The following RCBTB2 variants were observed in gnomAD, a reference collection of about 807,000 sequenced individuals.
The protein encoded by RCBTB2 is RCC1 and BTB domain-containing protein 2.
In RCBTB2, 55 loss-of-function variants were observed where a neutral mutation model predicts 65.4. The observed-to-expected ratio is 0.84, with a 90% CI of 0.68 to 1.05. RCBTB2 has a LOEUF of 1.05. Ranked by LOEUF, RCBTB2 falls within the 50% of genes least tolerant of loss-of-function variation. The pLI is 0.00. For synonymous variants in RCBTB2, 220 were observed against 255.2 expected, an observed-to-expected ratio of 0.86 and a Z score of 1.31; for missense variants, 599 against 680.1, an observed-to-expected ratio of 0.88 and a Z score of 1.33.
intron 7 of RCBTB2, 35 bp from the exon 8 acceptor site, chr13:48,512,209 TA>T (rs2138540735): frequency 6.3e-7 from 1 of 1,583,286 alleles, no homozygotes; most frequent in African/African-American, 1.3e-5. Flanking sequence ...TGAAACAGAT[TA>T]ATTTATAAAC....
At chr13:48,496,143 G>T in intron 14 of RCBTB2, 48 bp downstream of exon 14, 1 of 1,409,788 alleles carries the variant, frequency 7.1e-7, no homozygotes, top group Non-Finnish European at 9.3e-7. Context: ...CAGACACCTG[G>T]GTTCCATTTC....
chr13:48,521,135 G>C (rs553297134), intron 4 of RCBTB2, among the ~76,000 whole-genome samples: 1 of 152,030 alleles, frequency 6.6e-6, no homozygotes, highest in Non-Finnish European at 1.5e-5. Context: ...TAGGACTCTC[G>C]AGTTCTATAC....
chr13:48,493,263 TTC>T (rs1208233211), intron 14 of RCBTB2, among the ~76,000 whole-genome samples: 3,399 of 92,098 alleles, frequency 0.037, 116 homozygotes, highest in African/African-American at 0.17. Context: ...ACACACACTC[TTC>T]TCTCTCTCAC....
intron 4 of RCBTB2, among the ~76,000 whole-genome samples, chr13:48,517,348 G>A (rs999259268): frequency 3.9e-5 from 6 of 152,138 alleles, no homozygotes; most frequent in African/African-American, 1.4e-4. Context: ...CAGATTCACA[G>A]CCCTCCTTTC....
At chr13:48,531,859 T>G (rs1952145577) in intron 1 of RCBTB2, among the ~76,000 whole-genome samples, 1 of 152,188 alleles carries the variant, frequency 6.6e-6, no homozygotes, top group South Asian at 2.1e-4. Flanking sequence ...CTCTTCACAG[T>G]AGCCCCAGGA....
chr13:48,521,285 C>T (rs965590433), intron 4 of RCBTB2, among the ~76,000 whole-genome samples: 1 of 152,160 alleles, frequency 6.6e-6, no homozygotes, highest in Non-Finnish European at 1.5e-5. Flanking sequence ...TAATTATTTA[C>T]AGTTTTATTG....
At chr13:48,524,352 A>G (rs1250285240) in intron 2 of RCBTB2, among the ~76,000 whole-genome samples, 2 of 152,228 alleles carry the variant, frequency 1.3e-5, no homozygotes, top group Non-Finnish European at 2.9e-5. Context: ...CAGCAATAAC[A>G]ACAGTAAAAA....
intron 1 of RCBTB2, among the ~76,000 whole-genome samples, chr13:48,530,788 T>C (rs942331907): frequency 6.6e-6 from 1 of 152,268 alleles, no homozygotes; most frequent in African/African-American, 2.4e-5. Flanking sequence ...AGTTAAACTG[T>C]AAACTCCTGA....
chr13:48,512,821 G>T lies in RCBTB2; in HGVS notation c.424C>A (p.Pro142Thr). 1.9e-6 allele frequency: 3 copies of T among 1,613,498 alleles called. No homozygotes were observed. The highest frequency in any genetic ancestry group is 2.5e-6 in the Non-Finnish European group (3 of 1,179,442). ...GNGTTNHGLV[P>T]CHISTNLSNK... The stretch of plus-strand genomic sequence containing the variant: ...GACAGATTAGTAGAGATATGACAGG[G>T]CACTAAACCATGATTAGTTGTCCCA... The change falls in exon 7 of 15, where the codon CCC (proline) becomes ACC (threonine). Residue 142 changes from proline (P) to threonine (T), a missense_variant. Transcript: ENST00000344532.
At chr13:48,499,142 A>ACACACACACACACACACACACACT (rs1366425462) in intron 13 of RCBTB2, among the ~76,000 whole-genome samples, 19 of 132,374 alleles carry the variant, frequency 1.4e-4, no homozygotes, top group Admixed American at 4.5e-4. Flanking sequence ...ACACACACAC[A>ACACACACACACACACACACACACT]CTCTCTCTCT....
Position 48,500,297 on chromosome 13 carries a change from C to T in RCBTB2, c.1245-537G>A, listed in dbSNP as rs142769472. Among the ~76,000 whole-genome samples, 347 of 152,304 alleles carry T rather than the reference C, an allele frequency of 2.3e-3. 1 individual carries two copies. The highest frequency in any genetic ancestry group is 4.1e-3 in the Non-Finnish European group (281 of 68,022). On this transcript the variant is annotated intron_variant, in intron 12 of 14. Coordinates refer to ENST00000344532, the MANE Select transcript of RCBTB2 (RefSeq NM_001268.4). ...AATTTGGACAGGGCGCGGTGGCTCA[C>T]GCCTGTAATCCCAGCACTTTGGAAG...
At chr13:48,499,485 C>T (rs1388508630) in intron 13 of RCBTB2, 136 bp downstream of exon 13, 9 of 855,922 alleles carry the variant, frequency 1.1e-5, no homozygotes, top group African/African-American at 5.1e-5. Flanking sequence ...ACAAGGGAAA[C>T]GTGTTTGGAT....
At chr13:48,490,832 G>A (rs1462392413) in intron 14 of RCBTB2, among the ~76,000 whole-genome samples, 2 of 152,174 alleles carry the variant, frequency 1.3e-5, no homozygotes, top group African/African-American at 4.8e-5. Context: ...CTGGGAAAAT[G>A]CTTTAAAGAA....
chr13:48,489,884 AT>A lies in RCBTB2; in HGVS notation c.*226del, dbSNP rs1035096161. 4.0e-5 allele frequency: 22 copies of A among 547,138 alleles called. No individual in the cohort carries two copies. Among genetic ancestry groups the A allele is most frequent in the Non-Finnish European group, 5.1e-5 (16 of 311,862 alleles). 33.9% of individuals were successfully genotyped at this position (547,138 alleles called of 1,614,324 possible). ...AGGAAATGGTAAATAAGATATTTCA[AT>A]TTTTTTTCCTTGACCTTAGTCACAT... On this transcript the variant is annotated 3_prime_UTR_variant, in exon 15 of 15. Transcript: ENST00000344532.
intron 4 of RCBTB2, among the ~76,000 whole-genome samples, chr13:48,521,449 G>A (rs1287568795): frequency 6.6e-6 from 1 of 152,224 alleles, no homozygotes; most frequent in Non-Finnish European, 1.5e-5. Flanking sequence ...TGGACACTGA[G>A]TAGACATAAG....
intron 9 of RCBTB2, 85 bp downstream of exon 9, chr13:48,511,684 GC>G: frequency 8.5e-7 from 1 of 1,170,556 alleles, no homozygotes; most frequent in Non-Finnish European, 1.2e-6. Flanking sequence ...TTTTCATCCT[GC>G]CAACAAATCT....
chr13:48,499,875 C>T, intron 12 of RCBTB2, 115 bp from the exon 13 acceptor site: 2 of 1,196,940 alleles, frequency 1.7e-6, no homozygotes, highest in Non-Finnish European at 2.4e-6. Flanking sequence ...GCTGTGGCTC[C>T]TCACTTTCTT....
chr13:48,501,743 G>T lies in RCBTB2; in HGVS notation c.1243C>A (p.Arg415=), dbSNP rs753959378. The change falls in exon 12 of 15, where the codon CGA becomes AGA. Residue 415 remains arginine, a splice_region_variant and synonymous_variant. Coordinates refer to ENST00000344532, the MANE Select transcript of RCBTB2 (RefSeq NM_001268.4). ...ATTCTCAAATAAATGATTCCTTACC[G>T]AATCTTGAGAAGGACTTTATGTGCA... ...IYAHKVLLKI[R]CEHFRSSLED... is the part of the protein sequence containing the mutation. 6.2e-7 allele frequency: 1 copy of T among 1,608,630 alleles called. No homozygotes were observed. The highest frequency in any genetic ancestry group is 2.2e-5 in the East Asian group (1 of 44,828).
At chr13:48,532,770 C>G (rs751986284) in intron 1 of RCBTB2, 39 of 309,062 alleles carry the variant, frequency 1.3e-4, no homozygotes, top group Non-Finnish European at 1.6e-4. Context: ...CGCAGGGCCG[C>G]CTCTGCCTGC....
Sources: allele counts gnomAD v4.1 joint callset (sites outside exome capture counted in the v4.1 genomes callset), GRCh38; gene constraint gnomAD v4.1.1; transcripts MANE v1.5; gene names NCBI Gene and HGNC (gene_info 2026-07-23, HGNC 2026-07-21).